Variants in PCDHA5 observed in about 807,000 individuals in gnomAD.
PCDHA5 encodes the protein protocadherin alpha-5.
In PCDHA5, 43 loss-of-function variants were observed where a neutral mutation model predicts 61.6. The ratio of observed to expected loss-of-function variants is 0.70; its 90% CI spans 0.55 to 0.90. The LOEUF is 0.90. Ranked by LOEUF, PCDHA5 falls within the 40% of genes least tolerant of loss-of-function variation. The pLI is 0.00. For missense variants in PCDHA5, 1,298 were observed against 1,222.7 expected (o/e 1.06, Z -0.92); for synonymous variants, 627 against 543.9 (o/e 1.15, Z -2.13).
chr5:140,921,715 G>A (rs1313930887), intron 1 of PCDHA5, among the ~76,000 whole-genome samples: 9 of 152,080 alleles, frequency 5.9e-5, no homozygotes, highest in African/African-American at 1.7e-4. Flanking sequence ...GTAAACACAC[G>A]AATTACTCCC....
intron 1 of PCDHA5, chr5:140,850,688 G>C: frequency 1.3e-6 from 2 of 1,598,504 alleles, no homozygotes; most frequent in Non-Finnish European, 1.7e-6. Flanking sequence ...CCGAGGGCGA[G>C]TGCGCGCCTG....
chr5:140,908,090 G>A (rs1198966409), intron 1 of PCDHA5, among the ~76,000 whole-genome samples: 1 of 152,200 alleles, frequency 6.6e-6, no homozygotes. Flanking sequence ...CAGGTGCACT[G>A]ATTGAAGTTC....
chr5:140,962,050 A>AT (rs1207278188), intron 1 of PCDHA5, among the ~76,000 whole-genome samples: 3 of 151,684 alleles, frequency 2.0e-5, no homozygotes, highest in African/African-American at 7.3e-5. Context: ...TGCCTGGCTA[A>AT]TTTTTTTGTA....
Position 140,982,684 on chromosome 5 carries a change from T to C in PCDHA5, c.2500+121T>C. Reference sequence around the variant, plus strand: ...TTTTATATTTTTGTTATTCCCTTTTTTCCATACATACATGATTTCCTTACA... The same window carrying C: ...TTTTATATTTTTGTTATTCCCTTTTCTCCATACATACATGATTTCCTTACA... On this transcript the variant is annotated intron_variant, in intron 3 of 3. Transcript: ENST00000529859. The C allele has an allele frequency of 2.8e-6, 4 of 1,425,176 alleles. No individual in the cohort carries two copies. In the South Asian group the frequency reaches 6.0e-5, roughly 21 times the overall value. 88.3% of individuals were successfully genotyped at this position (1,425,176 alleles called of 1,614,324 possible).
intron 1 of PCDHA5, chr5:140,861,620 A>G: frequency 2.9e-6 from 1 of 340,898 alleles, no homozygotes; most frequent in South Asian, 2.8e-5. Context: ...ACAACCTGCC[A>G]GTGTTCTCAG....
chr5:140,926,373 G>A (rs1040164585), intron 1 of PCDHA5: 3 of 152,370 alleles, frequency 2.0e-5, no homozygotes, highest in African/African-American at 4.8e-5. Context: ...GGCAGGAAGA[G>A]CCCAGCTGGG....
At chr5:140,876,042 AT>A in intron 1 of PCDHA5, 1 of 1,613,902 alleles carries the variant, frequency 6.2e-7, no homozygotes, top group Non-Finnish European at 8.5e-7. Flanking sequence ...ATAAAAGTAT[AT>A]TGCCTGAATT....
chr5:140,869,184 G>A (rs1554162580), intron 1 of PCDHA5: 44 of 1,613,836 alleles, frequency 2.7e-5, no homozygotes, highest in Non-Finnish European at 3.7e-5. Flanking sequence ...GGGAGGTGGG[G>A]AGCGGCCAGC....
intron 1 of PCDHA5, chr5:140,926,832 G>C: frequency 6.6e-7 from 1 of 1,505,338 alleles, no homozygotes; most frequent in Non-Finnish European, 8.9e-7. Context: ...GGAGTCCGGA[G>C]CATGGTCCTG....
intron 1 of PCDHA5, chr5:140,851,576 G>C: frequency 1.1e-6 from 1 of 913,534 alleles, no homozygotes; most frequent in Non-Finnish European, 1.3e-6. Context: ...TCTACACTTA[G>C]AACATTTTTT....
intron 1 of PCDHA5, chr5:140,835,670 C>T (rs1554135177): frequency 5.6e-6 from 9 of 1,613,734 alleles, no homozygotes; most frequent in African/African-American, 1.3e-5. Context: ...CCGCGCGGGA[C>T]GGGGGCTCGC....
intron 3 of PCDHA5, among the ~76,000 whole-genome samples, chr5:140,986,222 G>A (rs1554247822): frequency 1.3e-5 from 2 of 152,164 alleles, no homozygotes; most frequent in African/African-American, 4.8e-5. Flanking sequence ...CCTTTCTCTA[G>A]CCTCCCCTCT....
Position 140,835,448 on chromosome 5 carries a change from G to T in PCDHA5, c.2352+11321G>T, listed in dbSNP as rs2150235921. On this transcript the variant is annotated intron_variant, in intron 1 of 3. Transcript: ENST00000529859. The stretch of plus-strand genomic sequence containing the variant: ...CTCCACAGTTGACTCTCACTTCCCT[G>T]TCTCTCCCTATTCCAGAGGACGCCC... 11 of 1,613,768 alleles carry T rather than the reference G, an allele frequency of 6.8e-6. No homozygotes were observed. The South Asian group carries it at 1.2e-4, about 18-fold the overall frequency.
At chr5:140,877,928 TTC>T in intron 1 of PCDHA5, 1 of 1,415,260 alleles carries the variant, frequency 7.1e-7, no homozygotes, top group Non-Finnish European at 9.3e-7. Context: ...TTCTTTATGA[TTC>T]TATCCTTTAA....
intron 1 of PCDHA5, among the ~76,000 whole-genome samples, chr5:140,948,234 T>G (rs1011132417): frequency 6.6e-6 from 1 of 151,670 alleles, no homozygotes; most frequent in African/African-American, 2.4e-5. Flanking sequence ...TTAACTTGTA[T>G]TTTAGTAAAT....
intron 1 of PCDHA5, chr5:140,882,471 C>A: frequency 6.2e-7 from 1 of 1,614,024 alleles, no homozygotes; most frequent in African/African-American, 1.3e-5. Flanking sequence ...CGGGTGGCGT[C>A]CAAAAGACAC....
chr5:140,951,413 C>T (rs1206149734), intron 1 of PCDHA5, among the ~76,000 whole-genome samples: 1 of 152,028 alleles, frequency 6.6e-6, no homozygotes, highest in African/African-American at 2.4e-5. Context: ...GTTTAATTGG[C>T]TCACAGTTCC....
At chr5:140,830,537 G>C (rs886492362) in intron 1 of PCDHA5, 1 of 1,226,260 alleles carries the variant, frequency 8.2e-7, no homozygotes, top group African/African-American at 1.6e-5. Flanking sequence ...ATTTATAATT[G>C]TTTTCCTCAT....
At chr5:140,967,885 A>G in intron 1 of PCDHA5, 1 of 1,614,134 alleles carries the variant, frequency 6.2e-7, no homozygotes, top group South Asian at 1.1e-5. Context: ...TGTATAGCCC[A>G]GTGCCTGAGA....
Sources: gnomAD v4.1 joint callset for allele counts (sites outside exome capture counted in the v4.1 genomes callset) on GRCh38, gnomAD v4.1.1 for gene constraint, MANE v1.5 for transcripts, NCBI Gene and HGNC (gene_info 2026-07-23, HGNC 2026-07-21) for gene names.